The following NEBL variants were observed in gnomAD, a reference collection of about 807,000 sequenced individuals.
NEBL encodes nebulette.
In NEBL, 122 loss-of-function variants were observed where a neutral mutation model predicts 140.2. That is an observed-to-expected ratio of 0.87 (90% CI 0.75 to 1.01). The LOEUF (loss-of-function observed/expected upper bound fraction) is 1.01. Among genes scored for constraint, NEBL ranks in the 50% least tolerant of loss-of-function variants. The pLI is 0.00. For synonymous variants in NEBL, 436 were observed against 398.9 expected (o/e 1.09, Z -1.11); for missense variants, 1,365 against 1,231.3 (o/e 1.11, Z -1.62).
At chr10:20,815,740 A>G in intron 21 of NEBL, 23 bp from the exon 22 acceptor site, 1 of 1,421,166 alleles carries the variant, frequency 7.0e-7, no homozygotes. Context: ...AGAACAAAAA[A>G]TAGAATACTA....
At chr10:21,222,181 C>T (rs868790133) in intron 3 of NEBL, among the ~76,000 whole-genome samples, 1 of 151,856 alleles carries the variant, frequency 6.6e-6, no homozygotes, top group Non-Finnish European at 1.5e-5. Context: ...CACGGTGGCT[C>T]ACACCTGTAA....
chr10:21,214,869 T>C (rs7079835), intron 3 of NEBL, among the ~76,000 whole-genome samples: 2,522 of 152,300 alleles, frequency 0.017, 78 homozygotes, highest in African/African-American at 0.056. Flanking sequence ...TGTGTTCTTT[T>C]AGAAAAGAAT....
intron 1 of NEBL, among the ~76,000 whole-genome samples, chr10:21,267,655 A>G (rs962167037): frequency 5.9e-5 from 9 of 152,206 alleles, no homozygotes; most frequent in Non-Finnish European, 1.2e-4. Context: ...TGTGGTCTCA[A>G]TGGAAGATGC....
At chr10:21,079,408 T>A (rs1036836992) in intron 2 of NEBL, among the ~76,000 whole-genome samples, 9 of 152,236 alleles carry the variant, frequency 5.9e-5, no homozygotes, top group African/African-American at 2.2e-4. Flanking sequence ...AGCACACCTG[T>A]GTGAGGACCT....
At chr10:21,076,360 G>A (rs146634655) in intron 2 of NEBL, among the ~76,000 whole-genome samples, 3,665 of 143,358 alleles carry the variant, frequency 0.026, 68 homozygotes, top group Middle Eastern at 0.083. Context: ...CAGGAGAATC[G>A]CTTGAACCTG....
intron 3 of NEBL, among the ~76,000 whole-genome samples, chr10:21,196,637 GC>G (rs1373464379): frequency 2.0e-5 from 3 of 152,246 alleles, no homozygotes; most frequent in African/African-American, 7.2e-5. Context: ...GAGCCACCAT[GC>G]CCAGTTGTCA....
Position 21,173,967 on chromosome 10 carries a change from G to T in NEBL, c.-134C>A, listed in dbSNP as rs1564536506. 1 of 1,357,502 alleles carries T rather than the reference G, an allele frequency of 7.4e-7. No homozygotes were observed. The highest frequency in any genetic ancestry group is 9.4e-7 in the Non-Finnish European group (1 of 1,064,982). The allele number at this position is 1,357,502 out of a possible 1,614,324, so 84.1% of individuals were successfully genotyped here. A position where few individuals can be genotyped will look rare whatever the true frequency, so the allele number is the denominator to read the frequency against. On this transcript the variant is annotated 5_prime_UTR_variant, in exon 1 of 7. Transcript: ENST00000417816. The surrounding 1 kb of genome is among the most constrained non-coding windows in gnomAD (Gnocchi z 5.7). ...GGCGGCGGGCGCCGGGTAGGGAGTC[G>T]GCGCCGGGCCACGGGTGAGTGCACG...
At chr10:20,968,115 G>C (rs1468710749) in intron 3 of NEBL, among the ~76,000 whole-genome samples, 1 of 152,146 alleles carries the variant, frequency 6.6e-6, no homozygotes, top group Non-Finnish European at 1.5e-5. Context: ...CTTCATCTTA[G>C]TGAGGCTGTT....
intron 4 of NEBL, among the ~76,000 whole-genome samples, chr10:20,947,225 A>C (rs1426305278): frequency 2.0e-5 from 3 of 152,210 alleles, no homozygotes; most frequent in African/African-American, 7.2e-5. Context: ...TAGAGGTCAG[A>C]ATGCCTCGGT....
chr10:21,111,183 C>T (rs888142682), intron 2 of NEBL, among the ~76,000 whole-genome samples: 1 of 152,120 alleles, frequency 6.6e-6, no homozygotes, highest in African/African-American at 2.4e-5. Context: ...GTAATTTATA[C>T]ATTCAATGCT....
In NEBL at chr10:20,948,649, C is replaced by A. The variant is rs1835294373; in HGVS notation, c.357+13023G>T. On this transcript the variant is annotated intron_variant, in intron 4 of 6. Transcript: ENST00000417816. ...TCACGCTGGAGGACACAAAAAGGTTCACAGCAGTTGTTAAATTCATTTAGA... is the reference window on the plus strand; with the variant it reads ...TCACGCTGGAGGACACAAAAAGGTTAACAGCAGTTGTTAAATTCATTTAGA... 2.0e-5 allele frequency among the ~76,000 whole-genome samples: 3 copies of A among 152,184 alleles called. No homozygotes were observed. The South Asian group carries it at 6.2e-4, about 32-fold the overall frequency.
At chr10:20,939,309 C>T (rs1207795711) in intron 4 of NEBL, among the ~76,000 whole-genome samples, 1 of 152,122 alleles carries the variant, frequency 6.6e-6, no homozygotes, top group Non-Finnish European at 1.5e-5. Context: ...AATTTTCAAC[C>T]CAGAATTTCA....
At chr10:21,070,997 C>T (rs571855839) in intron 2 of NEBL, among the ~76,000 whole-genome samples, 30 of 151,462 alleles carry the variant, frequency 2.0e-4, no homozygotes, top group African/African-American at 6.8e-4. Context: ...GGCAACATAG[C>T]AACACTCTGC....
At chr10:20,990,040 C>T (rs1366912322) in intron 3 of NEBL, among the ~76,000 whole-genome samples, 2 of 152,050 alleles carry the variant, frequency 1.3e-5, no homozygotes, top group Non-Finnish European at 2.9e-5. Flanking sequence ...ATTATTTATA[C>T]TTGTCATTAA....
At chr10:20,888,048 G>C (rs755647147) in intron 4 of NEBL, 49 bp downstream of exon 4, 9 of 1,281,948 alleles carry the variant, frequency 7.0e-6, no homozygotes, top group African/African-American at 1.5e-5. Flanking sequence ...CTTTTTTCCA[G>C]TTATATGTTT....
At chr10:21,118,977 C>A (rs773696004) in intron 2 of NEBL, among the ~76,000 whole-genome samples, 1 of 152,152 alleles carries the variant, frequency 6.6e-6, no homozygotes, top group Non-Finnish European at 1.5e-5. Flanking sequence ...ATTCTTACAA[C>A]AATCTTGTGA....
chr10:21,040,354 A>G (rs557413792), intron 2 of NEBL, among the ~76,000 whole-genome samples: 44 of 152,250 alleles, frequency 2.9e-4, no homozygotes, highest in African/African-American at 1.0e-3. Flanking sequence ...AAAAGAAAGA[A>G]AGAGGGTTTA....
At chr10:20,923,964 T>C (rs1833738599) in intron 4 of NEBL, among the ~76,000 whole-genome samples, 2 of 152,120 alleles carry the variant, frequency 1.3e-5, no homozygotes, top group Admixed American at 6.5e-5. Flanking sequence ...TCTGGGTGTC[T>C]TCTAGTTCTG....
chr10:21,159,373 T>C (rs1460208823), intron 2 of NEBL, among the ~76,000 whole-genome samples: 1 of 152,174 alleles, frequency 6.6e-6, no homozygotes, highest in East Asian at 1.9e-4. Context: ...CTTTCCTTCT[T>C]CCCCTACACC....
Sources: gnomAD v4.1 joint callset for allele counts (sites outside exome capture counted in the v4.1 genomes callset) on GRCh38, gnomAD v4.1.1 for gene constraint, Gnocchi (gnomAD v3.1) non-coding constraint, MANE v1.5 for transcripts, NCBI Gene and HGNC (gene_info 2026-07-23, HGNC 2026-07-21) for gene names.